CYP4X1: variants seen among roughly 807,000 people sequenced by gnomAD.
CYP4X1 encodes the protein cytochrome P450 4X1.
CYP4X1 carries 44 observed loss-of-function variants against 57.9 expected under a neutral mutation model. That is an observed-to-expected ratio of 0.76 (90% CI 0.60 to 0.98). The LOEUF is 0.98. Among genes scored for constraint, CYP4X1 ranks in the 50% least tolerant of loss-of-function variants. CYP4X1 has a pLI of 0.00. For missense variants in CYP4X1, 532 were observed against 623.9 expected (o/e 0.85, Z 1.57); for synonymous variants, 227 against 228.6 (o/e 0.99, Z 0.06).
chr1:46,968,637 T>G, the CYP4X1 span, among the ~76,000 whole-genome samples: 1 of 152,184 alleles, frequency 6.6e-6, no homozygotes, highest in African/African-American at 2.4e-5. Context: ...ACAGTCACAG[T>G]CCAGTGCCTA....
At chr1:47,051,562 C>T (rs951345370), downstream of CYP4X1, among the ~76,000 whole-genome samples, 6 of 152,082 alleles carry the variant, frequency 3.9e-5, no homozygotes, top group African/African-American at 1.4e-4. Context: ...GATTTCTCCC[C>T]TTGGATGACC....
the CYP4X1 span, among the ~76,000 whole-genome samples, chr1:46,985,575 C>T: frequency 6.6e-6 from 1 of 152,178 alleles, no homozygotes. Context: ...GATTGGGAGA[C>T]ATCTCCCAGC....
the CYP4X1 span, among the ~76,000 whole-genome samples, chr1:46,996,743 C>T: frequency 6.6e-6 from 1 of 152,160 alleles, no homozygotes; most frequent in Non-Finnish European, 1.5e-5. Flanking sequence ...AACTCAGCAT[C>T]TATGTCTTTT....
chr1:47,010,925 C>A, the CYP4X1 span, among the ~76,000 whole-genome samples: 51,723 of 151,976 alleles, frequency 0.34, 9,568 homozygotes, highest in East Asian at 0.56. Context: ...AACAAATGGA[C>A]TAACATTCCA....
At chr1:47,030,271 C>G in intron 2 of CYP4X1, 140 bp downstream of exon 2, 1 of 1,041,920 alleles carries the variant, frequency 9.6e-7, no homozygotes, top group East Asian at 2.5e-5. Flanking sequence ...GACAGGTTTC[C>G]TACCAATACT....
At chr1:47,016,045 T>TG in the CYP4X1 span, among the ~76,000 whole-genome samples, 1 of 152,172 alleles carries the variant, frequency 6.6e-6, no homozygotes, top group African/African-American at 2.4e-5. Context: ...ATTCTTGACC[T>TG]GGGATATCTC....
chr1:46,977,779 G>C, the CYP4X1 span, among the ~76,000 whole-genome samples: 1 of 151,936 alleles, frequency 6.6e-6, no homozygotes, highest in African/African-American at 2.4e-5. Flanking sequence ...CTGATCTCTC[G>C]GCACAAACTC....
intron 8 of CYP4X1, 114 bp from the exon 9 acceptor site, chr1:47,046,353 C>T (rs1644301048): frequency 1.3e-5 from 19 of 1,423,840 alleles, no homozygotes; most frequent in Non-Finnish European, 1.7e-5. Context: ...GTTACATAAA[C>T]CAGTGGCAAA....
Position 47,031,322 on chromosome 1 carries a change from CTT to C in CYP4X1, c.320-110_320-109del, listed in dbSNP as rs890700681. ...CAGCAGGAAGTAAGCCCTGGGCTCT[CTT>C]TTTCTCACTTTTTGTGGTTGGTGCA... On this transcript the variant is annotated intron_variant, in intron 2 of 11. Coordinates refer to ENST00000371901, the MANE Select transcript of CYP4X1 (RefSeq NM_178033.2). 6 of 1,287,876 alleles carry C rather than the reference CTT, an allele frequency of 4.7e-6. No individual in the cohort carries two copies. The African/African-American group carries it at 7.4e-5, about 16-fold the overall frequency. 79.8% of individuals were successfully genotyped at this position (1,287,876 alleles called of 1,614,324 possible).
intron 1 of CYP4X1, among the ~76,000 whole-genome samples, chr1:47,027,956 AG>A (rs1024716174): frequency 6.6e-6 from 1 of 152,202 alleles, no homozygotes; most frequent in African/African-American, 2.4e-5. Flanking sequence ...TGTGAGAGGT[AG>A]GATCTTTGTT....
chr1:47,035,249 G>C (rs182962344), intron 4 of CYP4X1, among the ~76,000 whole-genome samples: 81 of 152,220 alleles, frequency 5.3e-4, no homozygotes, highest in Admixed American at 9.8e-4. Context: ...AGCAGTATAA[G>C]TAGGTCTCTT....
At chr1:47,032,561 A>G in intron 3 of CYP4X1, among the ~76,000 whole-genome samples, 1 of 152,224 alleles carries the variant, frequency 6.6e-6, no homozygotes, top group Non-Finnish European at 1.5e-5. Context: ...TCAATTATGT[A>G]TTAATAAACT....
the CYP4X1 span, among the ~76,000 whole-genome samples, chr1:47,012,021 A>T: frequency 6.6e-6 from 1 of 152,222 alleles, no homozygotes; most frequent in Non-Finnish European, 1.5e-5. Context: ...AGGATCTAGA[A>T]CTAGAAATAC....
intron 11 of CYP4X1, 101 bp downstream of exon 11, chr1:47,049,605 G>A (rs902430205): frequency 1.4e-5 from 15 of 1,038,816 alleles, no homozygotes; most frequent in East Asian, 2.4e-5. Context: ...CCAGGGAACC[G>A]TAGATCTTGG....
intron 8 of CYP4X1, among the ~76,000 whole-genome samples, chr1:47,043,142 T>C (rs1644264249): frequency 6.6e-6 from 1 of 152,208 alleles, no homozygotes; most frequent in Non-Finnish European, 1.5e-5. Flanking sequence ...TTTTTGATTA[T>C]GGCCATTCTT....
intron 1 of CYP4X1, among the ~76,000 whole-genome samples, chr1:47,026,742 G>C (rs1361452744): frequency 6.6e-6 from 1 of 151,828 alleles, no homozygotes; most frequent in Non-Finnish European, 1.5e-5. Flanking sequence ...TTTTGAGACA[G>C]AGTCCTGCTC....
In CYP4X1 at chr1:47,048,620, A is replaced by G. The variant is rs1302844671; in HGVS notation, c.1263A>G (p.Lys421=). 2 of 1,612,290 alleles carry G rather than the reference A, an allele frequency of 1.2e-6. No individual in the cohort carries two copies. Among genetic ancestry groups the G allele is most frequent in the Admixed American group, 3.4e-5 (2 of 59,610 alleles). The change falls in exon 10 of 12, where the codon AAA becomes AAG. Residue 421 remains lysine (K), a synonymous_variant. Transcript: ENST00000371901. ...TTCACCACAACCCTGCTGTCTGGAA[A>G]AACCCAAAGGTATGATTCTCTCTTG... ...WGLHHNPAVW[K]NPKVFDPLRF...
At position 47,023,931 on chromosome 1, in the gene CYP4X1, G is replaced by A. The variant is rs370355060; in HGVS notation, c.114G>A (p.Arg38=). The A allele has an allele frequency of 1.3e-4, 214 of 1,613,410 alleles. No homozygotes were observed. The highest frequency in any genetic ancestry group is 1.8e-4 in the Non-Finnish European group (207 of 1,179,982). The part of the protein sequence containing the change: ...QAIKLYLRRQ[R]LLRDLRPFPA... Reference sequence around the variant, plus strand: ...TTAAGCTGTACCTGCGGAGGCAGCGGCTGCTGCGGGACCTGCGCCCCTTCC... The same window carrying A: ...TTAAGCTGTACCTGCGGAGGCAGCGACTGCTGCGGGACCTGCGCCCCTTCC... Residue 38 remains arginine (R), a synonymous_variant, in exon 1 of 12, where the codon CGG becomes CGA. Coordinates refer to ENST00000371901, the MANE Select transcript of CYP4X1 (RefSeq NM_178033.2).
chr1:47,038,632 G>T (rs1644211067), intron 6 of CYP4X1, 28 bp from the exon 7 acceptor site: 1 of 1,545,204 alleles, frequency 6.5e-7, no homozygotes, highest in Non-Finnish European at 8.8e-7. Flanking sequence ...CCATCACTTT[G>T]GTAATTGGAA....
Sources: allele counts gnomAD v4.1 joint callset (sites outside exome capture counted in the v4.1 genomes callset), GRCh38; gene constraint gnomAD v4.1.1; transcripts MANE v1.5; gene names NCBI Gene and HGNC (gene_info 2026-07-23, HGNC 2026-07-21).